RPS6KA2: variants seen among roughly 807,000 people sequenced by gnomAD.
RPS6KA2 encodes ribosomal protein S6 kinase alpha-2.
Under a neutral mutation model 91.8 loss-of-function variants are expected in RPS6KA2, and 42 were observed. That is an observed-to-expected ratio of 0.46 (90% CI 0.36 to 0.59). The LOEUF (loss-of-function observed/expected upper bound fraction) is 0.59, where lower values mean the gene tolerates loss of function less well. RPS6KA2 is among the 20% of genes least tolerant of loss of function. RPS6KA2 has a pLI of 0.00. For missense variants in RPS6KA2, 798 were observed against 978.5 expected (o/e 0.82, Z 2.46); for synonymous variants, 414 against 393.6 (o/e 1.05, Z -0.61).
intron 6 of RPS6KA2, among the ~76,000 whole-genome samples, chr6:166,502,107 T>C (rs1310772653): frequency 1.3e-5 from 2 of 152,124 alleles, no homozygotes; most frequent in African/African-American, 2.4e-5. Flanking sequence ...TTCTGCAAGA[T>C]GAAACAGTTC....
intron 2 of RPS6KA2, among the ~76,000 whole-genome samples, chr6:166,655,772 G>C (rs903562804): frequency 6.6e-6 from 1 of 152,212 alleles, no homozygotes; most frequent in Non-Finnish European, 1.5e-5. Flanking sequence ...GGGCTGGCGA[G>C]AGTGTGAACG....
At chr6:166,702,795 G>C (rs984478501) in intron 2 of RPS6KA2, 1 of 1,088,760 alleles carries the variant, frequency 9.2e-7, no homozygotes, top group Non-Finnish European at 1.4e-6. Context: ...CTAGGTCCAA[G>C]GGGGCGGCGT....
At chr6:166,794,432 T>C (rs1779171174) in intron 2 of RPS6KA2, among the ~76,000 whole-genome samples, 2 of 151,908 alleles carry the variant, frequency 1.3e-5, no homozygotes, top group Non-Finnish European at 2.9e-5. Flanking sequence ...TCAACCATTG[T>C]GGAAGTCAGT....
At chr6:166,854,912 A>G (rs1253798733) in intron 2 of RPS6KA2, among the ~76,000 whole-genome samples, 1 of 152,250 alleles carries the variant, frequency 6.6e-6, no homozygotes, top group Non-Finnish European at 1.5e-5. Context: ...TCACAGTACA[A>G]TTCACAATAG....
At chr6:166,483,058 C>G (rs1380143545) in intron 10 of RPS6KA2, among the ~76,000 whole-genome samples, 2 of 152,204 alleles carry the variant, frequency 1.3e-5, no homozygotes, top group African/African-American at 4.8e-5. Flanking sequence ...CAACAAGATG[C>G]CCCAAGACTC....
At chr6:166,699,945 G>A (rs1409800474) in intron 2 of RPS6KA2, among the ~76,000 whole-genome samples, 4 of 152,206 alleles carry the variant, frequency 2.6e-5, no homozygotes, top group African/African-American at 4.8e-5. Flanking sequence ...GTAGCCTTTT[G>A]TTGCCTTTAA....
In RPS6KA2 at chr6:166,564,842, G is replaced by A. The variant is rs563897175; in HGVS notation, c.100-26058C>T. 5.3e-5 allele frequency among the ~76,000 whole-genome samples: 8 copies of A among 152,338 alleles called. No individual in the cohort carries two copies. In the East Asian group the frequency reaches 1.5e-3, roughly 29 times the overall value. On this transcript the variant is annotated intron_variant, in intron 1 of 20. Coordinates refer to ENST00000265678, the MANE Select transcript of RPS6KA2 (RefSeq NM_021135.6). ...GCATCACCTTTCTGAGAGTCCTCAG[G>A]AAGCATCCTCAGTGGCCAGATCCCA...
intron 1 of RPS6KA2, among the ~76,000 whole-genome samples, chr6:166,558,395 A>C (rs1197218860): frequency 2.0e-5 from 3 of 152,064 alleles, no homozygotes; most frequent in African/African-American, 7.3e-5. Context: ...ACCCGTATCT[A>C]GGGGGCAACT....
chr6:166,853,024 G>A (rs142084733), intron 2 of RPS6KA2, among the ~76,000 whole-genome samples: 175 of 152,344 alleles, frequency 1.1e-3, no homozygotes, highest in African/African-American at 4.0e-3. Context: ...ACAAGGAAAT[G>A]AAGTGGAATC....
chr6:166,412,609 C>T lies in RPS6KA2; in HGVS notation c.*153G>A. 1.3e-6 allele frequency: 1 copy of T among 741,920 alleles called. No homozygotes were observed. The highest frequency in any genetic ancestry group is 2.0e-5 in the South Asian group (1 of 49,192). The allele number at this position is 741,920 out of a possible 1,614,324, so 46.0% of individuals were successfully genotyped here. The stretch of plus-strand genomic sequence containing the variant: ...GAAGCCCCCAGGTCAGGACCCTCTC[C>T]GGGGCTGAAAAAGAAAACACGGACA... On this transcript the variant is annotated 3_prime_UTR_variant, in exon 21 of 21. Coordinates refer to ENST00000265678, the MANE Select transcript of RPS6KA2 (RefSeq NM_021135.6). This position sits in a 1 kb window ranked among gnomAD's most constrained non-coding sequence, Gnocchi z 4.3.
rs1790714898 is a variant in RPS6KA2, at chr6:166,737,977, T to G, written c.123+120223A>C. 6.6e-6 allele frequency among the ~76,000 whole-genome samples: 1 copy of G among 152,250 alleles called. No homozygotes were observed. Among genetic ancestry groups the G allele is most frequent in the Non-Finnish European group, 1.5e-5 (1 of 68,036 alleles). On this transcript the variant is annotated intron_variant, in intron 2 of 21. Transcript: ENST00000503859. The surrounding 1 kb of genome is among the most constrained non-coding windows in gnomAD (Gnocchi z 4.3). ...CGCTCAGAGAGAATCCTTTTAATAT[T>G]GTTTACATCCTCCTAGAATTTATAT...
intron 2 of RPS6KA2, among the ~76,000 whole-genome samples, chr6:166,801,984 G>A (rs1254657345): frequency 4.6e-5 from 7 of 152,096 alleles, no homozygotes; most frequent in African/African-American, 1.2e-4. Flanking sequence ...TAGGCCGGGC[G>A]TGGTGGCTCA....
Position 166,484,349 on chromosome 6 carries a change from C to A in RPS6KA2, c.907+4484G>T, listed in dbSNP as rs548341775. Among the ~76,000 whole-genome samples, 6 of 152,326 alleles carry A rather than the reference C, an allele frequency of 3.9e-5. No homozygotes were observed. In the East Asian group the frequency reaches 1.2e-3, roughly 29 times the overall value. Reference sequence around the variant, plus strand: ...TCACTTAGTGAATACCTGTGGCCGGCCCAGCTGCCTGGCCAGTAAAGCCGC... The same window carrying A: ...TCACTTAGTGAATACCTGTGGCCGGACCAGCTGCCTGGCCAGTAAAGCCGC... On this transcript the variant is annotated intron_variant, in intron 10 of 20. Coordinates refer to ENST00000265678, the MANE Select transcript of RPS6KA2 (RefSeq NM_021135.6).
chr6:166,620,552 GA>G, intron 1 of RPS6KA2, among the ~76,000 whole-genome samples: 1 of 152,292 alleles, frequency 6.6e-6, no homozygotes, highest in South Asian at 2.1e-4. Flanking sequence ...TATAACCTAG[GA>G]AAAGCTAGTT....
chr6:166,472,297 A>G (rs1780801992), intron 10 of RPS6KA2, among the ~76,000 whole-genome samples: 1 of 152,172 alleles, frequency 6.6e-6, no homozygotes, highest in Non-Finnish European at 1.5e-5. Flanking sequence ...CTTCTTGTTC[A>G]TCATTTGCAA....
Position 166,612,132 on chromosome 6 carries a change from A to G in RPS6KA2, c.99+14789T>C, listed in dbSNP as rs1326801236. 6.6e-6 allele frequency among the ~76,000 whole-genome samples: 1 copy of G among 152,000 alleles called. No individual in the cohort carries two copies. Among genetic ancestry groups the G allele is most frequent in the East Asian group, 1.9e-4 (1 of 5,180 alleles). On this transcript the variant is annotated intron_variant, in intron 1 of 20. Transcript: ENST00000265678. This position sits in a 1 kb window ranked among gnomAD's most constrained non-coding sequence, Gnocchi z 4.3. Reference sequence around the variant, plus strand: ...CCTCTTATTTTTCCTCCGTCGTCCAACATCAAGATGCAAGGGCCGCAATCT... The same window carrying G: ...CCTCTTATTTTTCCTCCGTCGTCCAGCATCAAGATGCAAGGGCCGCAATCT...
At chr6:166,799,985 G>C (rs923392211) in intron 2 of RPS6KA2, among the ~76,000 whole-genome samples, 1 of 152,178 alleles carries the variant, frequency 6.6e-6, no homozygotes, top group Non-Finnish European at 1.5e-5. Context: ...CAGGCCCCAG[G>C]CCTGCCTGGT....
rs977230785 is a variant in RPS6KA2 at position 166,497,964 on chromosome 6, A to G, written c.747+544T>C. 5.8e-4 allele frequency among the ~76,000 whole-genome samples: 82 copies of G among 142,498 alleles called. 1 individual carries two copies. Among genetic ancestry groups the G allele is most frequent in the African/African-American group, 1.7e-3 (67 of 39,608 alleles). The allele number at this position is 142,498 out of a possible 152,430, so 93.5% of individuals were successfully genotyped here. A position where few individuals can be genotyped will look rare whatever the true frequency, so the allele number is the denominator to read the frequency against. On this transcript the variant is annotated intron_variant, in intron 8 of 20. Coordinates refer to ENST00000265678, the MANE Select transcript of RPS6KA2 (RefSeq NM_021135.6). ...CACCAGCCCCCTGCCCAGCTGGGAG[A>G]GTGGGATTGGGGGAGGGAGGGAGGG...
At chr6:166,470,226 C>T (rs1021376089) in intron 10 of RPS6KA2, among the ~76,000 whole-genome samples, 15 of 152,226 alleles carry the variant, frequency 9.9e-5, no homozygotes, top group Non-Finnish European at 2.1e-4. Flanking sequence ...CCACTGTCAC[C>T]CCCAGGAGCT....
Sources: allele counts gnomAD v4.1 joint callset (sites outside exome capture counted in the v4.1 genomes callset), GRCh38; gene constraint gnomAD v4.1.1; non-coding constraint Gnocchi (gnomAD v3.1); transcripts MANE v1.5; gene names NCBI Gene and HGNC (gene_info 2026-07-23, HGNC 2026-07-21).